The following NRG1 variants were observed in gnomAD, a reference collection of about 807,000 sequenced individuals.
NRG1 encodes pro-neuregulin-1, membrane-bound isoform.
A neutral mutation model predicts 63.8 loss-of-function variants in NRG1; 18 were observed. The ratio of observed to expected loss-of-function variants is 0.28; its 90% CI spans 0.19 to 0.42. The LOEUF (loss-of-function observed/expected upper bound fraction) is 0.42. Among genes scored for constraint, NRG1 ranks in the 10% least tolerant of loss-of-function variants. The probability of loss-of-function intolerance (pLI) is 1.00; values close to 1 mark genes in which losing one functional copy is unlikely to be tolerated. For synonymous variants in NRG1, 302 were observed against 301.3 expected (o/e 1.00, Z -0.02); for missense variants, 762 against 814.7 (o/e 0.94, Z 0.79).
chr8:32,006,294 T>C (rs1247203155), intron 1 of NRG1, among the ~76,000 whole-genome samples: 1 of 152,060 alleles, frequency 6.6e-6, no homozygotes, highest in Non-Finnish European at 1.5e-5. Flanking sequence ...AAGGTCATTA[T>C]TGTTTAGGCC....
At chr8:32,347,111 G>A (rs546484029) in intron 1 of NRG1, among the ~76,000 whole-genome samples, 4 of 152,248 alleles carry the variant, frequency 2.6e-5, no homozygotes, top group African/African-American at 9.6e-5. Flanking sequence ...TTACGGGCAT[G>A]AGCCACCGTG....
At chr8:32,706,703 C>G (rs1816521688) in intron 5 of NRG1, among the ~76,000 whole-genome samples, 1 of 152,156 alleles carries the variant, frequency 6.6e-6, no homozygotes, top group African/African-American at 2.4e-5. Context: ...TAAAAATTTC[C>G]TTTATAATGG....
chr8:32,544,048 G>A (rs957662146), upstream of NRG1, among the ~76,000 whole-genome samples: 1 of 152,082 alleles, frequency 6.6e-6, no homozygotes, highest in Non-Finnish European at 1.5e-5. Context: ...AGTTTTGTGT[G>A]TATTCCTTTT....
intron 1 of NRG1, among the ~76,000 whole-genome samples, chr8:31,905,753 T>A (rs1004085911): frequency 3.9e-5 from 6 of 152,204 alleles, no homozygotes; most frequent in Admixed American, 6.5e-5. Context: ...AGGATTAACA[T>A]GTACAAATTT....
chr8:31,991,276 G>A (rs1026116606), intron 1 of NRG1, among the ~76,000 whole-genome samples: 3 of 151,738 alleles, frequency 2.0e-5, no homozygotes, highest in East Asian at 3.9e-4. Context: ...TCATCCTGAC[G>A]ACGACAACAA....
chr8:32,614,646 C>T, intron 4 of NRG1, 82 bp downstream of exon 4: 1 of 1,261,728 alleles, frequency 7.9e-7, no homozygotes, highest in Non-Finnish European at 1.2e-6. Context: ...AATCAGAACC[C>T]CTTCTGCATC....
intron 1 of NRG1, among the ~76,000 whole-genome samples, chr8:31,939,550 A>G (rs976406280): frequency 1.3e-5 from 2 of 152,088 alleles, no homozygotes; most frequent in Non-Finnish European, 2.9e-5. Flanking sequence ...CATGATGAAT[A>G]GAGTAGTATC....
At chr8:31,702,495 G>C (rs1409031020) in intron 1 of NRG1, among the ~76,000 whole-genome samples, 2 of 148,228 alleles carry the variant, frequency 1.3e-5, no homozygotes, top group South Asian at 4.3e-4. Flanking sequence ...GATACTATAT[G>C]GGCTTTATAT....
chr8:32,474,673 G>T (rs1230191308), intron 1 of NRG1, among the ~76,000 whole-genome samples: 3 of 151,144 alleles, frequency 2.0e-5, no homozygotes, highest in Non-Finnish European at 4.4e-5. Flanking sequence ...TTGTGTGTGT[G>T]TGTGTTTTTT....
At chr8:32,252,098 C>A (rs1439015972) in intron 1 of NRG1, among the ~76,000 whole-genome samples, 1 of 152,052 alleles carries the variant, frequency 6.6e-6, no homozygotes, top group Non-Finnish European at 1.5e-5. Flanking sequence ...GATATTAGCC[C>A]TTTGTCAGAT....
chr8:32,732,290 C>G (rs544716245), intron 6 of NRG1, among the ~76,000 whole-genome samples: 1 of 152,230 alleles, frequency 6.6e-6, no homozygotes, highest in Non-Finnish European at 1.5e-5. Context: ...TCCTGTGGTT[C>G]AAAGAAACAA....
At chr8:32,413,959 C>T (rs1441212508) in intron 1 of NRG1, among the ~76,000 whole-genome samples, 4 of 149,032 alleles carry the variant, frequency 2.7e-5, no homozygotes, top group African/African-American at 7.4e-5. Flanking sequence ...ACTGTCCTTT[C>T]CAAGATTAAA....
chr8:32,097,669 C>A (rs199990192), intron 1 of NRG1, among the ~76,000 whole-genome samples: 2 of 152,240 alleles, frequency 1.3e-5, no homozygotes, highest in East Asian at 3.9e-4. Context: ...AAGTTAGAAT[C>A]TATTTTAGAA....
intron 1 of NRG1, chr8:32,063,202 A>G (rs1410070614): frequency 6.6e-6 from 1 of 152,112 alleles, no homozygotes; most frequent in Non-Finnish European, 1.5e-5. Context: ...TGAAGGTGAG[A>G]ATGGAATTAT....
chr8:32,229,333 C>A (rs1432137669), intron 1 of NRG1, among the ~76,000 whole-genome samples: 1 of 152,164 alleles, frequency 6.6e-6, no homozygotes, highest in Non-Finnish European at 1.5e-5. Flanking sequence ...ACCAGGGCAG[C>A]TTTAAATTGA....
chr8:31,688,926 G>A (rs1809192828), intron 1 of NRG1, among the ~76,000 whole-genome samples: 1 of 152,168 alleles, frequency 6.6e-6, no homozygotes, highest in Admixed American at 6.5e-5. Context: ...TGTCAGGAGG[G>A]CTGTCTTCCC....
At chr8:32,476,718 A>G (rs1824568124) in intron 1 of NRG1, among the ~76,000 whole-genome samples, 1 of 152,152 alleles carries the variant, frequency 6.6e-6, no homozygotes, top group Non-Finnish European at 1.5e-5. Context: ...ATTTTTATAC[A>G]TGACCTGCAG....
chr8:31,920,845 T>A (rs1699115), intron 1 of NRG1, among the ~76,000 whole-genome samples: 99,084 of 151,734 alleles, frequency 0.65, 32,769 homozygotes, highest in East Asian at 0.92. Context: ...AAATAAACTT[T>A]TTTAAGATGG....
chr8:32,549,961 A>G lies in NRG1; in HGVS notation c.100+1135A>G, dbSNP rs570321612. Among the ~76,000 whole-genome samples, 16 of 152,334 alleles carry G rather than the reference A, an allele frequency of 1.1e-4. No homozygotes were observed. In the South Asian group the frequency reaches 2.9e-3, roughly 28 times the overall value. On this transcript the variant is annotated intron_variant, in intron 1 of 11. Coordinates refer to ENST00000356819, the Ensembl canonical transcript of NRG1. ...TGAAGCACTTCTGCAGAATTAATTC[A>G]CTAGTACTTGATAATACTGTGGCTA...
Sources: gnomAD v4.1 joint callset for allele counts (sites outside exome capture counted in the v4.1 genomes callset) on GRCh38, gnomAD v4.1.1 for gene constraint, MANE v1.5 for transcripts, NCBI Gene and HGNC (gene_info 2026-07-23, HGNC 2026-07-21) for gene names.